FGF1: variants seen among roughly 807,000 people sequenced by gnomAD.
FGF1 encodes the protein fibroblast growth factor 1.
Under a neutral mutation model 13.4 loss-of-function variants are expected in FGF1, and 9 were observed. The ratio of observed to expected loss-of-function variants is 0.67; its 90% CI spans 0.40 to 1.17. FGF1 has a LOEUF of 1.17. Ranked by LOEUF, FGF1 falls within the 50% of genes most tolerant of loss-of-function variation. The probability of loss-of-function intolerance (pLI) is 0.01; values close to 1 mark genes in which losing one functional copy is unlikely to be tolerated. For missense variants in FGF1, 156 were observed against 192.7 expected, an observed-to-expected ratio of 0.81 and a Z score of 1.13; for synonymous variants, 93 against 79.0, an observed-to-expected ratio of 1.18 and a Z score of -0.94.
intron 1 of FGF1, among the ~76,000 whole-genome samples, chr5:142,625,517 A>T (rs1446815876): frequency 1.3e-5 from 2 of 152,136 alleles, no homozygotes; most frequent in African/African-American, 4.8e-5. Flanking sequence ...AGAAGGAAAA[A>T]CAGAGTGCTC....
At chr5:142,650,025 A>G (rs1363252693) in intron 1 of FGF1, among the ~76,000 whole-genome samples, 1 of 152,162 alleles carries the variant, frequency 6.6e-6, no homozygotes, top group African/African-American at 2.4e-5. Flanking sequence ...CCTGGGCCCC[A>G]CCTCAGCTCT....
In FGF1 at chr5:142,693,611, C is replaced by T. The variant is rs188836777; in HGVS notation, c.-35+4011G>A. 1.8e-4 allele frequency among the ~76,000 whole-genome samples: 27 copies of T among 152,296 alleles called. 1 individual carries two copies. The highest frequency in any genetic ancestry group is 6.5e-4 in the Admixed American group (10 of 15,306). On this transcript the variant is annotated intron_variant, in intron 2 of 4. Coordinates refer to the FGF1 transcript ENST00000407758. Reference sequence around the variant, plus strand: ...GTTTTGGTATATTTACAAAGTTGTGCGGCCATCACAACTATAATTTTAGAA... The same window carrying T: ...GTTTTGGTATATTTACAAAGTTGTGTGGCCATCACAACTATAATTTTAGAA...
At chr5:142,630,101 C>T (rs1763127134) in intron 1 of FGF1, among the ~76,000 whole-genome samples, 1 of 151,906 alleles carries the variant, frequency 6.6e-6, no homozygotes, top group South Asian at 2.1e-4. Flanking sequence ...ACCATGTTAG[C>T]CAGGATGGTC....
chr5:142,644,966 AGGGG>A lies in FGF1; in HGVS notation c.-34-30809_-34-30806del, dbSNP rs1444679661. ...CTGGCACCACTCCTAGTCGGATTCC[AGGGG>A]AAATCAGATTTCTTTTAGGCTTTGG... On this transcript the variant is annotated intron_variant, in intron 1 of 3. Coordinates refer to ENST00000337706, the MANE Select transcript of FGF1 (RefSeq NM_000800.5). Among the ~76,000 whole-genome samples the A allele has an allele frequency of 2.6e-5, 4 of 152,326 alleles. No individual in the cohort carries two copies. The East Asian group carries it at 7.7e-4, about 29-fold the overall frequency.
At chr5:142,617,939 C>T (rs1235498293) in intron 1 of FGF1, among the ~76,000 whole-genome samples, 1 of 152,098 alleles carries the variant, frequency 6.6e-6, no homozygotes, top group Non-Finnish European at 1.5e-5. Context: ...GTTAGCAGGT[C>T]CTTGGAGATT....
intron 1 of FGF1, among the ~76,000 whole-genome samples, chr5:142,679,009 C>G (rs1773192772): frequency 6.6e-6 from 1 of 152,186 alleles, no homozygotes; most frequent in Non-Finnish European, 1.5e-5. Context: ...CCTGACGTCT[C>G]TCTCCAGGGC....
intron 1 of FGF1, among the ~76,000 whole-genome samples, chr5:142,676,675 G>T (rs1358359830): frequency 2.6e-5 from 4 of 152,196 alleles, no homozygotes; most frequent in Non-Finnish European, 5.9e-5. Context: ...ACTGTCAGAA[G>T]TATTCCTGTC....
At chr5:142,616,441 T>A (rs896502479) in intron 1 of FGF1, among the ~76,000 whole-genome samples, 2 of 152,216 alleles carry the variant, frequency 1.3e-5, no homozygotes, top group Non-Finnish European at 2.9e-5. Context: ...CGATTAATTC[T>A]TTTCACATAA....
chr5:142,613,810 A>C, intron 2 of FGF1, 149 bp downstream of exon 2: 1 of 771,440 alleles, frequency 1.3e-6, no homozygotes, highest in Non-Finnish European at 2.0e-6. Context: ...CAGACATTTT[A>C]CGCATTTATG....
intron 1 of FGF1, among the ~76,000 whole-genome samples, chr5:142,658,903 C>CA (rs1768650577): frequency 2.0e-5 from 3 of 152,104 alleles, no homozygotes; most frequent in African/African-American, 7.2e-5. Context: ...GTCCCCAGTG[C>CA]CTGGCATGTG....
chr5:142,666,675 C>T (rs1009439645), intron 1 of FGF1, among the ~76,000 whole-genome samples: 6 of 152,222 alleles, frequency 3.9e-5, no homozygotes, highest in African/African-American at 1.4e-4. Flanking sequence ...TACCAGTTCA[C>T]GCCTACAATC....
intron 1 of FGF1, among the ~76,000 whole-genome samples, chr5:142,684,942 C>T (rs11960262): frequency 0.36 from 41,410 of 116,008 alleles, 5,754 homozygotes; most frequent in Admixed American, 0.4. Flanking sequence ...GGGAGGCAAG[C>T]GGGGGTGGTG....
At chr5:142,632,958 T>C (rs1475472585) in intron 1 of FGF1, among the ~76,000 whole-genome samples, 1 of 151,076 alleles carries the variant, frequency 6.6e-6, no homozygotes, top group Non-Finnish European at 1.5e-5. Context: ...TCTTGCTGTG[T>C]CGCCAGGCTG....
chr5:142,673,626 T>G (rs1771907601), intron 1 of FGF1, among the ~76,000 whole-genome samples: 1 of 152,188 alleles, frequency 6.6e-6, no homozygotes, highest in Admixed American at 6.5e-5. Flanking sequence ...AGAACCAGCC[T>G]GACTCTTTTG....
rs562348519 is a variant in FGF1 at position 142,594,410 on chromosome 5, G to A, written c.*880C>T. 5 of 152,430 alleles carry A rather than the reference G, an allele frequency of 3.3e-5. No homozygotes were observed. Among genetic ancestry groups the A allele is most frequent in the East Asian group, 3.9e-4 (2 of 5,192 alleles). The allele number at this position is 152,430 out of a possible 1,614,324, so 9.4% of individuals were successfully genotyped here. The stretch of plus-strand genomic sequence containing the variant: ...TTACCAGGGGCCAAGCACAATGTGT[G>A]GCATTACTTTCTTTTTCCTTCTCCT... On this transcript the variant is annotated 3_prime_UTR_variant, in exon 4 of 4. Transcript: ENST00000337706.
At chr5:142,633,790 C>G (rs958794748) in intron 1 of FGF1, among the ~76,000 whole-genome samples, 1 of 152,126 alleles carries the variant, frequency 6.6e-6, no homozygotes, top group East Asian at 1.9e-4. Flanking sequence ...GACCTCTGTT[C>G]GAAGCTCATC....
chr5:142,629,708 C>G (rs1167308847), intron 1 of FGF1, among the ~76,000 whole-genome samples: 1 of 151,764 alleles, frequency 6.6e-6, no homozygotes, highest in Non-Finnish European at 1.5e-5. Context: ...TCGTAGGGGC[C>G]CATTTCAAAT....
At chr5:142,609,919 C>T (rs1233132588) in intron 2 of FGF1, among the ~76,000 whole-genome samples, 1 of 150,336 alleles carries the variant, frequency 6.7e-6, no homozygotes, top group Non-Finnish European at 1.5e-5. Flanking sequence ...GTGTTGGGAC[C>T]CGACCTACAC....
intron 1 of FGF1, among the ~76,000 whole-genome samples, chr5:142,633,484 A>G (rs1440254700): frequency 6.6e-6 from 1 of 152,176 alleles, no homozygotes; most frequent in African/African-American, 2.4e-5. Context: ...TGGTGTCAAA[A>G]TCTCCTTGTA....
Sources: gnomAD v4.1 joint callset for allele counts (sites outside exome capture counted in the v4.1 genomes callset) on GRCh38, gnomAD v4.1.1 for gene constraint, MANE v1.5 for transcripts, NCBI Gene and HGNC (gene_info 2026-07-23, HGNC 2026-07-21) for gene names.